Variants in SULF1 observed in about 807,000 individuals in gnomAD.
The protein encoded by SULF1 is extracellular sulfatase Sulf-1.
SULF1 carries 46 observed loss-of-function variants against 110.5 expected under a neutral mutation model. That is an observed-to-expected ratio of 0.42 (90% confidence interval 0.33 to 0.53). The LOEUF (loss-of-function observed/expected upper bound fraction) is 0.53, where lower values mean the gene tolerates loss of function less well. SULF1 is among the 20% of genes least tolerant of loss of function. The pLI is 0.12. For missense variants in SULF1, 941 were observed against 1,094.2 expected (o/e 0.86, Z 1.98); for synonymous variants, 371 against 387.1 (o/e 0.96, Z 0.49).
chr8:69,527,639 A>G (rs1340456712), intron 3 of SULF1, among the ~76,000 whole-genome samples: 1 of 152,170 alleles, frequency 6.6e-6, no homozygotes. Context: ...ATTTCTGCAC[A>G]GGTTCCTAAG....
chr8:69,584,112 G>GTA (rs1448492383), intron 6 of SULF1, among the ~76,000 whole-genome samples: 2 of 152,186 alleles, frequency 1.3e-5, no homozygotes, highest in Admixed American at 1.3e-4. Flanking sequence ...GGCAATGAGG[G>GTA]TAATCTGAGA....
At chr8:69,515,343 G>T (rs1192419295) in intron 3 of SULF1, among the ~76,000 whole-genome samples, 3 of 152,308 alleles carry the variant, frequency 2.0e-5, no homozygotes, top group East Asian at 3.9e-4. Context: ...CTGAAGCAAT[G>T]GTCCAAGCTT....
rs970339412 is a variant in SULF1, at chr8:69,486,875, A to G, written c.-390-8890A>G. ...ACATGGCTCAGTATTTTCATAAGGT[A>G]TTACTACTGTTGTTCTGAAAAAGCA... On this transcript the variant is annotated intron_variant, in intron 1 of 22. Transcript: ENST00000260128. Among the ~76,000 whole-genome samples, 17 of 152,188 alleles carry G rather than the reference A, an allele frequency of 1.1e-4. 1 individual carries two copies. Among genetic ancestry groups the G allele is most frequent in the Admixed American group, 9.8e-4 (15 of 15,284 alleles).
intron 19 of SULF1, among the ~76,000 whole-genome samples, chr8:69,632,634 T>C (rs977693811): frequency 6.6e-6 from 1 of 152,128 alleles, no homozygotes; most frequent in Non-Finnish European, 1.5e-5. Flanking sequence ...TCTCTAAACA[T>C]TTTTTTATTA....
chr8:69,591,279 G>A (rs1177372835), intron 8 of SULF1, among the ~76,000 whole-genome samples: 2 of 152,128 alleles, frequency 1.3e-5, no homozygotes, highest in Non-Finnish European at 2.9e-5. Flanking sequence ...TGCTGGCCAG[G>A]CGCGGTGGCT....
At chr8:69,589,266 A>C (rs1006554606) in intron 8 of SULF1, 125 bp downstream of exon 8, 2 of 1,004,800 alleles carry the variant, frequency 2.0e-6, no homozygotes, top group African/African-American at 1.6e-5. Flanking sequence ...TCATGAAAGG[A>C]TAACTTAAGA....
chr8:69,602,438 G>T (rs569225015), intron 10 of SULF1, among the ~76,000 whole-genome samples: 64 of 152,186 alleles, frequency 4.2e-4, no homozygotes, highest in Non-Finnish European at 6.8e-4. Flanking sequence ...ATCCATGAAA[G>T]AATTATGGAA....
chr8:69,610,584 G>C (rs1362653987), intron 13 of SULF1, among the ~76,000 whole-genome samples: 1 of 152,182 alleles, frequency 6.6e-6, no homozygotes, highest in South Asian at 2.1e-4. Context: ...GGACCACTCA[G>C]CCTTTAAACC....
At chr8:69,467,707 T>A (rs948556567) in intron 1 of SULF1, among the ~76,000 whole-genome samples, 5 of 152,230 alleles carry the variant, frequency 3.3e-5, no homozygotes, top group African/African-American at 1.2e-4. Flanking sequence ...TAATGGATCA[T>A]TAAGAGTCAC....
chr8:69,505,857 G>T (rs1317172695), intron 3 of SULF1, among the ~76,000 whole-genome samples: 1 of 150,886 alleles, frequency 6.6e-6, no homozygotes, highest in Non-Finnish European at 1.5e-5. Flanking sequence ...TTAAAATTAG[G>T]TATTTGTTGT....
chr8:69,567,002 A>C (rs1177161380), intron 5 of SULF1, among the ~76,000 whole-genome samples: 1 of 152,226 alleles, frequency 6.6e-6, no homozygotes, highest in Non-Finnish European at 1.5e-5. Context: ...GACCTGTATT[A>C]GATCTGAGTC....
At chr8:69,605,003 T>G (rs1422071761) in intron 13 of SULF1, 71 bp downstream of exon 13, 2 of 1,585,518 alleles carry the variant, frequency 1.3e-6, no homozygotes, top group South Asian at 1.1e-5. Context: ...ATTGTCCACA[T>G]ATAAAAGAAT....
intron 22 of SULF1, among the ~76,000 whole-genome samples, chr8:69,656,577 G>A (rs1812752639): frequency 6.6e-6 from 1 of 152,134 alleles, no homozygotes; most frequent in East Asian, 1.9e-4. Context: ...GCAGTGTTTG[G>A]TTTTCTGTTC....
At chr8:69,550,101 T>C (rs980218662) in intron 3 of SULF1, among the ~76,000 whole-genome samples, 34 of 151,496 alleles carry the variant, frequency 2.2e-4, no homozygotes, top group African/African-American at 8.2e-4. Context: ...ATTTTTCCAG[T>C]TTGAAATTCT....
intron 21 of SULF1, among the ~76,000 whole-genome samples, chr8:69,639,833 C>T (rs1811325097): frequency 6.6e-6 from 1 of 152,164 alleles, no homozygotes; most frequent in Non-Finnish European, 1.5e-5. Context: ...AATATCACCA[C>T]CTGTCATCTC....
At chr8:69,598,144 C>T (rs1382770671) in intron 8 of SULF1, among the ~76,000 whole-genome samples, 1 of 149,748 alleles carries the variant, frequency 6.7e-6, no homozygotes, top group Admixed American at 6.6e-5. Flanking sequence ...ATTTGGTTAA[C>T]GAACCATTTT....
At chr8:69,473,839 A>G (rs1299531222) in intron 1 of SULF1, among the ~76,000 whole-genome samples, 4 of 152,222 alleles carry the variant, frequency 2.6e-5, no homozygotes, top group Non-Finnish European at 4.4e-5. Flanking sequence ...GAATTAATGG[A>G]AACTCTGAAC....
At chr8:69,510,063 T>A (rs1811450729) in intron 3 of SULF1, among the ~76,000 whole-genome samples, 1 of 152,196 alleles carries the variant, frequency 6.6e-6, no homozygotes, top group Non-Finnish European at 1.5e-5. Flanking sequence ...CTGTAACTCA[T>A]GTAGACAGTA....
intron 15 of SULF1, among the ~76,000 whole-genome samples, chr8:69,626,705 C>G (rs1810080005): frequency 6.6e-6 from 1 of 152,258 alleles, no homozygotes; most frequent in Non-Finnish European, 1.5e-5. Flanking sequence ...TCCGCAGCCG[C>G]TGGCCCGGGT....
Sources: gnomAD v4.1 joint callset for allele counts (sites outside exome capture counted in the v4.1 genomes callset) on GRCh38, gnomAD v4.1.1 for gene constraint, MANE v1.5 for transcripts, NCBI Gene and HGNC (gene_info 2026-07-23, HGNC 2026-07-21) for gene names.